The following GSDME variants were observed in gnomAD, a reference collection of about 807,000 sequenced individuals.
GSDME encodes the protein gasdermin E.
In GSDME, 44 loss-of-function variants were observed where a neutral mutation model predicts 47.5. The ratio of observed to expected loss-of-function variants is 0.93; its 90% CI spans 0.73 to 1.19. The LOEUF (loss-of-function observed/expected upper bound fraction) is 1.19. Among genes scored for constraint, GSDME ranks in the 50% most tolerant of loss-of-function variants. The pLI, the probability that GSDME is intolerant of heterozygous loss-of-function variation, is 0.00. For synonymous variants in GSDME, 258 were observed against 252.8 expected (o/e 1.02, Z -0.20); for missense variants, 663 against 604.2 (o/e 1.10, Z -1.02).
In GSDME at chr7:24,725,576, G is replaced by A. The variant is rs1418321120; in HGVS notation, c.405-6358C>T. 6.6e-6 allele frequency among the ~76,000 whole-genome samples: 1 copy of A among 152,188 alleles called. No individual in the cohort carries two copies. The highest frequency in any genetic ancestry group is 2.4e-5 in the African/African-American group (1 of 41,436). On this transcript the variant is annotated intron_variant, in intron 3 of 9. Coordinates refer to ENST00000645220, the MANE Select transcript of GSDME (RefSeq NM_001127453.2). This position sits in a 1 kb window ranked among gnomAD's most constrained non-coding sequence, Gnocchi z 5.1. ...TTTAAGGGCTCACAACTCTAAGGGG[G>A]TGCGCATGAGAGGGTCGTGATCGAT...
intron 3 of GSDME, among the ~76,000 whole-genome samples, chr7:24,722,638 C>T (rs985712566): frequency 1.3e-5 from 2 of 152,210 alleles, no homozygotes; most frequent in Non-Finnish European, 2.9e-5. Flanking sequence ...AATCACAGCC[C>T]TCCTACCCGC....
chr7:24,748,306 C>T (rs536914946), intron 2 of GSDME, among the ~76,000 whole-genome samples: 1 of 151,734 alleles, frequency 6.6e-6, no homozygotes, highest in South Asian at 2.1e-4. Context: ...ATTACAGGTG[C>T]CTACCACCTT....
intron 3 of GSDME, among the ~76,000 whole-genome samples, chr7:24,722,898 T>C (rs1789841632): frequency 6.6e-6 from 1 of 152,134 alleles, no homozygotes; most frequent in Non-Finnish European, 1.5e-5. Context: ...AAGGTCTCTG[T>C]GGGGCGGACC....
rs1009896949 is a variant in GSDME, at chr7:24,754,052, T to A, written c.-20+3344A>T. On this transcript the variant is annotated intron_variant, in intron 1 of 9. Coordinates refer to ENST00000645220, the MANE Select transcript of GSDME (RefSeq NM_001127453.2). The surrounding 1 kb of genome is among the most constrained non-coding windows in gnomAD (Gnocchi z 5.0). ...TCTCAGCCAAAAGTCAGACTCTGGA[T>A]TAACATTTTCACAATGCTCCAATTT... is the stretch of plus-strand genomic sequence containing the variant. Among the ~76,000 whole-genome samples the A allele has an allele frequency of 2.0e-5, 3 of 152,226 alleles. No homozygotes were observed. The highest frequency in any genetic ancestry group is 4.8e-5 in the African/African-American group (2 of 41,456).
chr7:24,710,244 G>C lies in GSDME; in HGVS notation c.842C>G (p.Pro281Arg). The change falls in exon 6 of 10, where the codon CCA becomes CGA. Residue 281 changes from proline (P) to arginine (R), a missense_variant. Pro to Arg is a moderately radical substitution (Grantham distance 103, BLOSUM62 -2). Transcript: ENST00000645220. The stretch of plus-strand genomic sequence containing the variant: ...AATACCTTGCTTTAAAACACTTAAT[G>C]GTCCATCCTGGGAAGATATCCCATG... Reference protein sequence around the residue: ...AAHGISSQDGPLSVLKQATLL... With the variant: ...AAHGISSQDGRLSVLKQATLL... 1 of 1,614,020 alleles carries C rather than the reference G, an allele frequency of 6.2e-7. No individual in the cohort carries two copies. The highest frequency in any genetic ancestry group is 8.5e-7 in the Non-Finnish European group (1 of 1,180,042).
At chr7:24,788,520 G>A in the GSDME span, among the ~76,000 whole-genome samples, 2 of 152,098 alleles carry the variant, frequency 1.3e-5, no homozygotes, top group Non-Finnish European at 2.9e-5. This position sits in a 1 kb window ranked among gnomAD's most constrained non-coding sequence, Gnocchi z 4.6. Flanking sequence ...AACCATCTGA[G>A]TTGGATTCTG....
At chr7:24,703,448 G>T (rs1309183483) in intron 8 of GSDME, 1 of 166,630 alleles carries the variant, frequency 6.0e-6, no homozygotes, top group Non-Finnish European at 1.3e-5. Flanking sequence ...AAGCCCCAGG[G>T]AAGGGAATGC....
In GSDME at chr7:24,724,342, C is replaced by T. The variant is rs1314987833; in HGVS notation, c.405-5124G>A. 1.3e-5 allele frequency among the ~76,000 whole-genome samples: 2 copies of T among 152,006 alleles called. No homozygotes were observed. Among genetic ancestry groups the T allele is most frequent in the Admixed American group, 6.6e-5 (1 of 15,258 alleles). On this transcript the variant is annotated intron_variant, in intron 3 of 9. Transcript: ENST00000645220. The surrounding 1 kb of genome is among the most constrained non-coding windows in gnomAD (Gnocchi z 4.8). ...AACCCGGGCAGGACTGGAATGAGACCCTCTCCCCAAGTCCAGCCAGGAGCC... is the reference window on the plus strand; with the variant it reads ...AACCCGGGCAGGACTGGAATGAGACTCTCTCCCCAAGTCCAGCCAGGAGCC...
rs533440488 is a variant in GSDME, at chr7:24,739,770, C to G, written c.404+4792G>C. Among the ~76,000 whole-genome samples the G allele has an allele frequency of 6.6e-6, 1 of 152,094 alleles. No homozygotes were observed. The highest frequency in any genetic ancestry group is 2.1e-4 in the South Asian group (1 of 4,814). ...ATAAAGAAAATGTGGTAAATATACA[C>G]GATAGAGTACTATTTAGTCATTAAA... On this transcript the variant is annotated intron_variant, in intron 3 of 9. Coordinates refer to ENST00000645220, the MANE Select transcript of GSDME (RefSeq NM_001127453.2). The surrounding 1 kb of genome is among the most constrained non-coding windows in gnomAD (Gnocchi z 5.1).
chr7:24,760,362 G>T (rs1046280156), upstream of GSDME, among the ~76,000 whole-genome samples: 16 of 152,282 alleles, frequency 1.1e-4, no homozygotes, highest in African/African-American at 3.6e-4. This position sits in a 1 kb window ranked among gnomAD's most constrained non-coding sequence, Gnocchi z 4.2. Context: ...TGGAGACCTG[G>T]ACGCTTTCAG....
In GSDME at chr7:24,706,763, C is replaced by T. The variant is rs116917772; in HGVS notation, c.991-387G>A. 9.2e-5 allele frequency among the ~76,000 whole-genome samples: 14 copies of T among 152,376 alleles called. No homozygotes were observed. The East Asian group carries it at 2.7e-3, about 29-fold the overall frequency. On this transcript the variant is annotated intron_variant, in intron 7 of 9. Transcript: ENST00000645220. ...GCGCTCCAGCCCCCGGCCACATTCC[C>T]ACCGGGCACTGGGCAGCTGCATCTG... is the stretch of plus-strand genomic sequence containing the variant.
chr7:24,710,200 C>T (rs1423442511), intron 6 of GSDME, 24 bp downstream of exon 6: 29 of 1,612,350 alleles, frequency 1.8e-5, no homozygotes, highest in East Asian at 1.8e-4. Context: ...CAACTGCCCA[C>T]TACTCCTGCC....
In GSDME at chr7:24,710,349, T is replaced by C. The variant is rs754983713; in HGVS notation, c.737A>G (p.Asn246Ser). The change falls in exon 6 of 10, where the codon AAC (asparagine) becomes AGC (serine). Residue 246 changes from asparagine (N) to serine (S), a missense_variant. Physicochemically the swap from Asn to Ser is conservative, Grantham distance 46 (BLOSUM62 1). Transcript: ENST00000645220. Reference protein sequence around the residue: ...LLRGKQGGFENKKRIDSVYLD... With the variant: ...LLRGKQGGFESKKRIDSVYLD... ...GTAGACAGAGTCAATTCTCTTCTTG[T>C]TCTCGAAGCCACCTTGCTTCCCTCG... The C allele has an allele frequency of 2.5e-6, 4 of 1,614,130 alleles. No individual in the cohort carries two copies. The African/African-American group carries it at 4.0e-5, about 16-fold the overall frequency.
rs1032094820 is a variant in GSDME, at chr7:24,754,197, A to G, written c.-20+3199T>C. 4.6e-5 allele frequency among the ~76,000 whole-genome samples: 7 copies of G among 152,320 alleles called. No individual in the cohort carries two copies. Among genetic ancestry groups the G allele is most frequent in the Admixed American group, 2.0e-4 (3 of 15,302 alleles). ...ACTCTCGCACAGAGCCTTAAAAGTT[A>G]TATTAGCAGCCGGGCCTGGTGGCTC... On this transcript the variant is annotated intron_variant, in intron 1 of 9. Coordinates refer to ENST00000645220, the MANE Select transcript of GSDME (RefSeq NM_001127453.2). The surrounding 1 kb of genome is among the most constrained non-coding windows in gnomAD (Gnocchi z 5.0).
chr7:24,708,954 T>C (rs1457851271), intron 6 of GSDME, among the ~76,000 whole-genome samples: 6 of 152,214 alleles, frequency 3.9e-5, no homozygotes, highest in Admixed American at 2.6e-4. Context: ...TCTTGTAAAT[T>C]AAGTCTAGTG....
chr7:24,702,568 T>G, intron 9 of GSDME, 192 bp downstream of exon 9: 1 of 565,066 alleles, frequency 1.8e-6, no homozygotes, highest in Non-Finnish European at 3.4e-6. Context: ...ACAAATCATT[T>G]TCCTCTGGGT....
In GSDME at chr7:24,719,143, C is replaced by G. The variant is rs546120306; in HGVS notation, c.480G>C (p.Gln160His). 99 of 1,613,964 alleles carry G rather than the reference C, an allele frequency of 6.1e-5. 2 individuals carry two copies. The South Asian group carries it at 9.8e-4, about 16-fold the overall frequency. The change falls in exon 4 of 10, where the codon CAG (glutamine) becomes CAC (histidine). Residue 160 changes from glutamine to histidine, a missense_variant. Coordinates refer to ENST00000645220, the MANE Select transcript of GSDME (RefSeq NM_001127453.2). Reference sequence around the variant, plus strand: ...CACACTTCTGCATCGTCGTGATCTTCTGTGTCAAAACGCACAGGACCTCAT... The same window carrying G: ...CACACTTCTGCATCGTCGTGATCTTGTGTGTCAAAACGCACAGGACCTCAT... ...GRNEVLCVLT[Q>H]KITTMQKCVI...
intron 8 of GSDME, chr7:24,703,750 A>AG (rs1788979105): frequency 6.6e-6 from 1 of 152,542 alleles, no homozygotes; most frequent in African/African-American, 2.4e-5. Flanking sequence ...GGCAGCAGCC[A>AG]GGGGGATGCT....
At chr7:24,709,781 C>T (rs1382863837) in intron 6 of GSDME, among the ~76,000 whole-genome samples, 1 of 152,218 alleles carries the variant, frequency 6.6e-6, no homozygotes, top group African/African-American at 2.4e-5. Context: ...GATAAAGAGC[C>T]TCCAAGAGAG....
Sources: gnomAD v4.1 joint callset for allele counts (sites outside exome capture counted in the v4.1 genomes callset) on GRCh38, gnomAD v4.1.1 for gene constraint, Gnocchi (gnomAD v3.1) non-coding constraint, MANE v1.5 for transcripts, NCBI Gene and HGNC (gene_info 2026-07-23, HGNC 2026-07-21) for gene names.